BRWD3: variants seen among roughly 807,000 people sequenced by gnomAD.
BRWD3 encodes the protein bromodomain and WD repeat-containing protein 3.
In BRWD3, 10 loss-of-function variants were observed where a neutral mutation model predicts 149.7. The observed-to-expected ratio is 0.07, with a 90% CI of 0.04 to 0.11. The LOEUF (loss-of-function observed/expected upper bound fraction) is 0.11, where lower values mean the gene tolerates loss of function less well. Ranked by LOEUF, BRWD3 falls within the 10% of genes least tolerant of loss-of-function variation. BRWD3 has a pLI of 1.00. For synonymous variants in BRWD3, 504 were observed against 456.7 expected, an observed-to-expected ratio of 1.10 and a Z score of -1.32; for missense variants, 940 against 1,373.2, an observed-to-expected ratio of 0.68 and a Z score of 4.99.
At chrX:80,706,858 C>T (rs1032542837) in intron 22 of BRWD3, among the ~76,000 whole-genome samples, 23 of 112,717 alleles carry the variant, frequency 2.0e-4, no homozygotes, top group Middle Eastern at 4.6e-3. Flanking sequence ...AGCAAGACAC[C>T]ATCTCTAAAA....
intron 33 of BRWD3, among the ~76,000 whole-genome samples, chrX:80,688,679 A>G (rs780118914): frequency 1.7e-3 from 192 of 110,804 alleles, no homozygotes; most frequent in African/African-American, 5.8e-3. Flanking sequence ...CTCATGAGAT[A>G]TTGGTACTCC....
chrX:80,724,078 C>T (rs2073187417), intron 15 of BRWD3, among the ~76,000 whole-genome samples: 1 of 111,884 alleles, frequency 8.9e-6, no homozygotes, highest in Admixed American at 9.5e-5. Flanking sequence ...TGGATGAAAT[C>T]AATCATTGCT....
At chrX:80,748,054 G>A (rs189333552) in intron 6 of BRWD3, among the ~76,000 whole-genome samples, 33 of 111,485 alleles carry the variant, frequency 3.0e-4, no homozygotes, top group African/African-American at 1.0e-3. Flanking sequence ...TGTTAGTCAC[G>A]CTGGTCTTGA....
rs2073786791 is a variant in BRWD3 at position 80,760,047 on chromosome X, C to T, written c.431-14318G>A. Among the ~76,000 whole-genome samples, 3 of 111,938 alleles carry T rather than the reference C, an allele frequency of 2.7e-5. No homozygotes were observed. The Admixed American group carries it at 2.9e-4, about 11-fold the overall frequency. On this transcript the variant is annotated intron_variant, in intron 6 of 40. Coordinates refer to ENST00000373275, the MANE Select transcript of BRWD3 (RefSeq NM_153252.5). ...ATAGCCACTCTTACTATATATTAAA[C>T]ACTAATCCTGCATCAAGTTTCTATA... is the stretch of plus-strand genomic sequence containing the variant.
At chrX:80,791,712 G>A (rs2074184061) in intron 6 of BRWD3, 142 bp downstream of exon 6, 5 of 449,764 alleles carry the variant, frequency 1.1e-5, no homozygotes, top group Non-Finnish European at 2.0e-5. Context: ...TTAAAAATCT[G>A]GACTAGCCAT....
chrX:80,738,809 G>C (rs1412130584), intron 8 of BRWD3, among the ~76,000 whole-genome samples: 1 of 111,809 alleles, frequency 8.9e-6, no homozygotes, highest in Non-Finnish European at 1.9e-5. Flanking sequence ...CATGTACCTA[G>C]AATGTTCAAG....
intron 8 of BRWD3, among the ~76,000 whole-genome samples, chrX:80,741,406 A>C (rs1407714835): frequency 1.8e-5 from 2 of 111,517 alleles, no homozygotes; most frequent in Non-Finnish European, 3.8e-5. Context: ...ATGATTTATA[A>C]TCCTTTGGGT....
intron 6 of BRWD3, among the ~76,000 whole-genome samples, chrX:80,772,962 T>A (rs1274123207): frequency 1.8e-5 from 2 of 111,835 alleles, no homozygotes; most frequent in African/African-American, 6.5e-5. Flanking sequence ...GATCAGGAAA[T>A]TATGCTGAGC....
At chrX:80,794,325 A>G (rs771057332) in intron 4 of BRWD3, among the ~76,000 whole-genome samples, 1 of 110,120 alleles carries the variant, frequency 9.1e-6, no homozygotes, top group African/African-American at 3.3e-5. Context: ...GGGCCACACA[A>G]CAAAACCCCA....
chrX:80,686,181 C>T (rs1377395328), intron 35 of BRWD3, among the ~76,000 whole-genome samples: 3 of 105,051 alleles, frequency 2.9e-5, no homozygotes, highest in African/African-American at 7.0e-5. Flanking sequence ...AACCAAACAC[C>T]GCATGTTCTC....
chrX:80,723,819 G>T lies in BRWD3; in HGVS notation c.1579C>A (p.His527Asn). The T allele has an allele frequency of 8.3e-7, 1 of 1,210,535 alleles. No individual in the cohort carries two copies. Residue 527 changes from histidine (H) to asparagine (N), a missense_variant, in exon 16 of 41, where the codon CAT (histidine) becomes AAT (asparagine). Physicochemically the swap from His to Asn is moderately conservative, Grantham distance 68. Transcript: ENST00000373275. ...CCATGAGAATCTGTGCAGGCAAAAT[G>T]GTTTCCATCTGGTGAAAATTTACAA... Reference protein sequence around the residue: ...FDCKFSPDGNHFACTDSHGHL... With the variant: ...FDCKFSPDGNNFACTDSHGHL...
intron 37 of BRWD3, 112 bp from the exon 38 acceptor site, chrX:80,682,740 T>G (rs1182208974): frequency 1.3e-6 from 1 of 749,336 alleles, no homozygotes; most frequent in Non-Finnish European, 1.9e-6. Flanking sequence ...ATCTGTTCAC[T>G]TGAAAAATTC....
intron 6 of BRWD3, among the ~76,000 whole-genome samples, chrX:80,785,382 G>A (rs1011202522): frequency 2.7e-5 from 3 of 111,922 alleles, no homozygotes; most frequent in Non-Finnish European, 5.6e-5. Context: ...AAGAAATCTA[G>A]AAATTCACCC....
chrX:80,724,668 G>A (rs2073193688), intron 15 of BRWD3, among the ~76,000 whole-genome samples: 1 of 111,595 alleles, frequency 9.0e-6, no homozygotes, highest in African/African-American at 3.2e-5. Flanking sequence ...TTGGTTAGGT[G>A]TTAACTCCAA....
chrX:80,699,654 C>T (rs1286605281), intron 25 of BRWD3, among the ~76,000 whole-genome samples: 2 of 111,707 alleles, frequency 1.8e-5, no homozygotes, highest in African/African-American at 3.3e-5. Context: ...ACACACTCAG[C>T]TTATGGAGGC....
intron 4 of BRWD3, among the ~76,000 whole-genome samples, chrX:80,800,517 G>A (rs1404436069): frequency 2.0e-5 from 2 of 98,457 alleles, no homozygotes; most frequent in Non-Finnish European, 4.0e-5. Context: ...TCCAGCCTGG[G>A]TAACAGAGTG....
At chrX:80,779,400 A>G (rs1011995193) in intron 6 of BRWD3, among the ~76,000 whole-genome samples, 1 of 110,990 alleles carries the variant, frequency 9.0e-6, no homozygotes, top group African/African-American at 3.3e-5. Flanking sequence ...TTAAGTAGAG[A>G]GGACAATAAT....
At chrX:80,708,153 T>C (rs1218128369) in intron 21 of BRWD3, among the ~76,000 whole-genome samples, 1 of 111,698 alleles carries the variant, frequency 9.0e-6, no homozygotes, top group Non-Finnish European at 1.9e-5. Flanking sequence ...CCCAGCACTT[T>C]GGAAGGCCAA....
Position 80,671,152 on chromosome X carries a change from T to C in BRWD3, c.*5457A>G, listed in dbSNP as rs1374923942. ...GTACATATAACTCAGCTGTTAAAAG[T>C]TGTAAGTCATAAATATGTTAGAGAT... On this transcript the variant is annotated 3_prime_UTR_variant, in exon 41 of 41. Transcript: ENST00000373275. 9.0e-6 allele frequency: 1 copy of C among 111,665 alleles called. No individual in the cohort carries two copies. The highest frequency in any genetic ancestry group is 1.9e-5 in the Non-Finnish European group (1 of 53,154). The allele number at this position is 111,665 out of a possible 1,213,427, so 9.2% of individuals were successfully genotyped here.
Sources: gnomAD v4.1 joint callset for allele counts (sites outside exome capture counted in the v4.1 genomes callset) on GRCh38, gnomAD v4.1.1 for gene constraint, MANE v1.5 for transcripts, NCBI Gene and HGNC (gene_info 2026-07-23, HGNC 2026-07-21) for gene names.